Variants in RBFOX1 observed in about 807,000 individuals in gnomAD.
RBFOX1 encodes RNA binding protein fox-1 homolog 1.
A neutral mutation model predicts 57.7 loss-of-function variants in RBFOX1; 8 were observed. That is an observed-to-expected ratio of 0.14 (90% CI 0.08 to 0.25). The LOEUF (loss-of-function observed/expected upper bound fraction) is 0.25. RBFOX1 is among the 10% of genes least tolerant of loss of function. The pLI, the probability that RBFOX1 is intolerant of heterozygous loss-of-function variation, is 1.00. For missense variants in RBFOX1, 611 were observed against 548.5 expected (o/e 1.11, Z -1.14); for synonymous variants, 326 against 222.4 (o/e 1.47, Z -4.15).
chr16:6,408,080 A>C (rs1320807259), intron 2 of RBFOX1, among the ~76,000 whole-genome samples: 1 of 152,136 alleles, frequency 6.6e-6, no homozygotes, highest in Non-Finnish European at 1.5e-5. Context: ...CACCATCTAT[A>C]AGAAATGGGC....
At chr16:6,731,620 G>A (rs557739525) in intron 3 of RBFOX1, among the ~76,000 whole-genome samples, 3 of 152,154 alleles carry the variant, frequency 2.0e-5, no homozygotes, top group South Asian at 4.2e-4. Flanking sequence ...TGGCTCTTGG[G>A]AGCTGGAGTG....
At chr16:6,425,437 C>T (rs911031247) in intron 2 of RBFOX1, among the ~76,000 whole-genome samples, 2 of 152,188 alleles carry the variant, frequency 1.3e-5, no homozygotes, top group Admixed American at 6.5e-5. Flanking sequence ...CTTCTGCACA[C>T]CCCCTACCCA....
chr16:6,646,439 C>G (rs1602572689), intron 2 of RBFOX1, among the ~76,000 whole-genome samples: 2 of 151,976 alleles, frequency 1.3e-5, no homozygotes, highest in African/African-American at 4.8e-5. Context: ...GGCGAGAGCT[C>G]TGATTCTGCC....
intron 1 of RBFOX1, among the ~76,000 whole-genome samples, chr16:5,420,491 A>G (rs1322094110): frequency 6.6e-6 from 1 of 151,642 alleles, no homozygotes; most frequent in Non-Finnish European, 1.5e-5. Flanking sequence ...GACTGCATCC[A>G]CTTTGTTTTT....
rs1233122392 is a variant in RBFOX1 at position 6,707,472 on chromosome 16, A to ATTTT, written c.-16+52824_-16+52827dup. On this transcript the variant is annotated intron_variant, in intron 3 of 15. Coordinates refer to ENST00000550418, the MANE Select transcript of RBFOX1 (RefSeq NM_018723.4). ...CTAGTGAATATTTAGATGGCTTCCCATTTTTGTTTTTTTTTTTTTTTTGCT... is the reference window on the plus strand; with the variant it reads ...CTAGTGAATATTTAGATGGCTTCCCATTTTTTTTTGTTTTTTTTTTTTTTTTGCT... 5.8e-4 allele frequency among the ~76,000 whole-genome samples: 52 copies of ATTTT among 89,888 alleles called. 1 individual carries two copies. The highest frequency in any genetic ancestry group is 2.5e-3 in the African/African-American group (46 of 18,714). The allele number at this position is 89,888 out of a possible 152,430, so 59.0% of individuals were successfully genotyped here.
intron 3 of RBFOX1, among the ~76,000 whole-genome samples, chr16:5,642,466 C>T (rs1273997475): frequency 1.3e-5 from 2 of 152,144 alleles, no homozygotes; most frequent in Admixed American, 6.5e-5. Flanking sequence ...GGATGAAAAG[C>T]CTTCTGTGTT....
At chr16:6,367,910 G>A (rs1600184003) in intron 2 of RBFOX1, among the ~76,000 whole-genome samples, 1 of 152,150 alleles carries the variant, frequency 6.6e-6, no homozygotes, top group African/African-American at 2.4e-5. Context: ...AACCCTTGTT[G>A]TTCCAACTTA....
At chr16:7,518,036 G>C (rs2076748161) in intron 4 of RBFOX1, 111 bp from the exon 5 acceptor site, 3 of 1,340,004 alleles carry the variant, frequency 2.2e-6, no homozygotes, top group African/African-American at 1.5e-5. Context: ...GCACCATGGT[G>C]ACCCCTAGAA....
intron 4 of RBFOX1, among the ~76,000 whole-genome samples, chr16:7,463,952 A>G (rs1221672658): frequency 1.3e-5 from 2 of 152,216 alleles, no homozygotes; most frequent in Admixed American, 1.3e-4. Flanking sequence ...AAGACATTGA[A>G]TGCTTTGGTG....
At chr16:5,819,481 C>G (rs963044713) in intron 3 of RBFOX1, among the ~76,000 whole-genome samples, 6 of 152,230 alleles carry the variant, frequency 3.9e-5, no homozygotes, top group Non-Finnish European at 8.8e-5. Flanking sequence ...CATGACCTCA[C>G]TGTGCCACTT....
chr16:7,067,820 A>G (rs1447722237), intron 4 of RBFOX1, among the ~76,000 whole-genome samples: 1 of 151,740 alleles, frequency 6.6e-6, no homozygotes, highest in Non-Finnish European at 1.5e-5. Context: ...TTTACTGAGA[A>G]TGATGATTTC....
intron 4 of RBFOX1, among the ~76,000 whole-genome samples, chr16:7,240,529 C>T (rs552229760): frequency 2.9e-4 from 44 of 151,964 alleles, no homozygotes; most frequent in Admixed American, 1.2e-3. Flanking sequence ...CTGGGGTTTT[C>T]GTGGTGTTTT....
At chr16:6,560,413 A>G (rs2097165383) in intron 2 of RBFOX1, among the ~76,000 whole-genome samples, 1 of 152,080 alleles carries the variant, frequency 6.6e-6, no homozygotes, top group Non-Finnish European at 1.5e-5. Context: ...TGAAGGTGAC[A>G]TTTTGGCATA....
intron 5 of RBFOX1, among the ~76,000 whole-genome samples, chr16:7,559,102 T>C (rs563206946): frequency 6.6e-6 from 1 of 152,320 alleles, no homozygotes; most frequent in South Asian, 2.1e-4. Context: ...TTCAGAGGCC[T>C]TTCCTGAAAG....
At chr16:6,705,833 C>T (rs1337116125) in intron 3 of RBFOX1, among the ~76,000 whole-genome samples, 2 of 152,102 alleles carry the variant, frequency 1.3e-5, no homozygotes, top group African/African-American at 2.4e-5. Context: ...TCCTGGCTAA[C>T]ATGGCAAAAC....
At chr16:7,265,958 G>GTTTTGT (rs1567956407) in intron 4 of RBFOX1, among the ~76,000 whole-genome samples, 3 of 107,598 alleles carry the variant, frequency 2.8e-5, no homozygotes, top group African/African-American at 4.6e-5. Context: ...GATCTGGTGG[G>GTTTTGT]TTTTTGTTTT....
chr16:5,359,229 G>C (rs1314096688), intron 1 of RBFOX1, among the ~76,000 whole-genome samples: 1 of 152,194 alleles, frequency 6.6e-6, no homozygotes, highest in Non-Finnish European at 1.5e-5. Context: ...TGGACAGTTA[G>C]GTTGCTTTCA....
chr16:6,281,889 C>G (rs1490587392), intron 1 of RBFOX1, among the ~76,000 whole-genome samples: 1 of 152,056 alleles, frequency 6.6e-6, no homozygotes, highest in Non-Finnish European at 1.5e-5. Flanking sequence ...GGCAATTTGA[C>G]AAGGCTACCC....
intron 3 of RBFOX1, among the ~76,000 whole-genome samples, chr16:6,997,089 C>T (rs940535544): frequency 1.3e-5 from 2 of 151,976 alleles, no homozygotes; most frequent in Non-Finnish European, 2.9e-5. Flanking sequence ...GCAGGAAGTA[C>T]CTTTTGTTGT....
Sources: allele counts gnomAD v4.1 joint callset (sites outside exome capture counted in the v4.1 genomes callset), GRCh38; gene constraint gnomAD v4.1.1; transcripts MANE v1.5; gene names NCBI Gene and HGNC (gene_info 2026-07-23, HGNC 2026-07-21).